Variants in CCNYL1 observed in about 807,000 individuals in gnomAD.
The protein encoded by CCNYL1 is cyclin Y like 1, also known as cyclin-Y-like protein 1.
In CCNYL1, 16 loss-of-function variants were observed where a neutral mutation model predicts 44.2. That is an observed-to-expected ratio of 0.36 (90% CI 0.25 to 0.55). CCNYL1 has a LOEUF of 0.55. CCNYL1 is among the 20% of genes least tolerant of loss of function. The pLI is 0.85. For missense variants in CCNYL1, 348 were observed against 451.8 expected, an observed-to-expected ratio of 0.77 and a Z score of 2.08; for synonymous variants, 159 against 163.2, an observed-to-expected ratio of 0.97 and a Z score of 0.20.
chr2:207,730,939 C>T (rs1559168053), intron 3 of CCNYL1, among the ~76,000 whole-genome samples: 1 of 152,030 alleles, frequency 6.6e-6, no homozygotes, highest in Non-Finnish European at 1.5e-5. Flanking sequence ...ATGTTTAACC[C>T]AAATTTAGAA....
chr2:207,733,960 A>C lies in CCNYL1; in HGVS notation c.344A>C (p.Gln115Pro). Residue 115 changes from glutamine to proline, a missense_variant, in exon 4 of 10, where the codon CAG (glutamine) becomes CCG (proline). Gln to Pro is a moderately conservative substitution (Grantham distance 76). Coordinates refer to ENST00000295414, the MANE Select transcript of CCNYL1 (RefSeq NM_001330218.2). ...SNHLNHVSPG[Q>P]LTKKYSSCST... ...CTTCCCCTTCAGGTATCTCCAGGGC[A>C]GCTTACTAAAAAGTATAGCTCATGC... 6.2e-7 allele frequency: 1 copy of C among 1,611,332 alleles called. No homozygotes were observed. Among genetic ancestry groups the C allele is most frequent in the Non-Finnish European group, 8.5e-7 (1 of 1,177,588 alleles).
chr2:207,725,082 CTT>C, intron 2 of CCNYL1, among the ~76,000 whole-genome samples: 1 of 148,820 alleles, frequency 6.7e-6, no homozygotes, highest in South Asian at 2.1e-4. Context: ...GTTTTGCCAC[CTT>C]TTTATAACAC....
In CCNYL1 at chr2:207,736,636, T is replaced by G. The variant is rs187217403; in HGVS notation, c.432-775T>G. Among the ~76,000 whole-genome samples, 5 of 152,334 alleles carry G rather than the reference T, an allele frequency of 3.3e-5. No homozygotes were observed. The East Asian group carries it at 9.6e-4, about 29-fold the overall frequency. On this transcript the variant is annotated intron_variant, in intron 4 of 9. Coordinates refer to ENST00000295414, the MANE Select transcript of CCNYL1 (RefSeq NM_001330218.2). ...CAAAATTGATCATAAATGATTTTAT[T>G]TGGTATAAAACACTTTTATTTACTT...
chr2:207,753,146 A>C (rs2091906749), intron 9 of CCNYL1, among the ~76,000 whole-genome samples: 3 of 152,216 alleles, frequency 2.0e-5, no homozygotes, highest in Admixed American at 6.5e-5. Context: ...ATAGTCCAGC[A>C]CACACCTGCC....
At chr2:207,715,861 A>G (rs1394734058) in intron 1 of CCNYL1, among the ~76,000 whole-genome samples, 1 of 149,758 alleles carries the variant, frequency 6.7e-6, no homozygotes, top group Non-Finnish European at 1.5e-5. Flanking sequence ...TGTTTTTAGT[A>G]GAGATGGTTT....
At position 207,754,613 on chromosome 2, in the gene CCNYL1, T is replaced by G. The variant is rs1470411908; in HGVS notation, c.*915T>G. The G allele has an allele frequency of 6.6e-6, 1 of 152,220 alleles. No homozygotes were observed. Among genetic ancestry groups the G allele is most frequent in the Non-Finnish European group, 1.5e-5 (1 of 68,046 alleles). The allele number at this position is 152,220 out of a possible 1,614,324, so 9.4% of individuals were successfully genotyped here. ...TTTAAAAAACATGATTTGAAAGTTTTTTGTTTTGTTTTGTTTGTTTTTAAA... is the reference window on the plus strand; with the variant it reads ...TTTAAAAAACATGATTTGAAAGTTTGTTGTTTTGTTTTGTTTGTTTTTAAA... On this transcript the variant is annotated 3_prime_UTR_variant, in exon 10 of 10. Coordinates refer to ENST00000295414, the MANE Select transcript of CCNYL1 (RefSeq NM_001330218.2).
At chr2:207,753,430 G>T (rs1399049387) in intron 9 of CCNYL1, among the ~76,000 whole-genome samples, 158 bp from the exon 10 acceptor site, 1 of 152,210 alleles carries the variant, frequency 6.6e-6, no homozygotes, top group Non-Finnish European at 1.5e-5. Flanking sequence ...TCAGGAAGTA[G>T]TGTCCCCACA....
intron 1 of CCNYL1, 79 bp downstream of exon 1, chr2:207,712,195 C>T: frequency 8.0e-7 from 1 of 1,248,944 alleles, no homozygotes; most frequent in Non-Finnish European, 1.1e-6. Context: ...GGGAGGCATC[C>T]GCCGCCTCGG....
Position 207,742,359 on chromosome 2 carries a change from T to G in CCNYL1, c.639+17T>G, listed in dbSNP as rs2091818190. 1 of 1,603,390 alleles carries G rather than the reference T, an allele frequency of 6.2e-7. No homozygotes were observed. Among genetic ancestry groups the G allele is most frequent in the African/African-American group, 1.3e-5 (1 of 74,284 alleles). ...GTAACTTTGGTAAGATATTTCTCAT[T>G]TATAAAGTGTCTTTAGAAATTAGTC... On this transcript the variant is annotated intron_variant, in intron 7 of 9. Coordinates refer to ENST00000295414, the MANE Select transcript of CCNYL1 (RefSeq NM_001330218.2).
At chr2:207,731,213 C>T (rs1222859118) in intron 3 of CCNYL1, among the ~76,000 whole-genome samples, 1 of 151,732 alleles carries the variant, frequency 6.6e-6, no homozygotes, top group African/African-American at 2.4e-5. Context: ...TAGCATTTAC[C>T]TCTTATTTTA....
At chr2:207,714,071 T>C (rs1208787665) in intron 1 of CCNYL1, among the ~76,000 whole-genome samples, 1 of 152,056 alleles carries the variant, frequency 6.6e-6, no homozygotes, top group Non-Finnish European at 1.5e-5. Context: ...AATGAAGAAA[T>C]AAAGAGTTAG....
At chr2:207,713,402 C>T (rs2091569088) in intron 1 of CCNYL1, among the ~76,000 whole-genome samples, 1 of 152,142 alleles carries the variant, frequency 6.6e-6, no homozygotes, top group African/African-American at 2.4e-5. Context: ...CAATAGAATC[C>T]TGGTCAAAGA....
At chr2:207,733,302 A>T (rs1488579089) in intron 3 of CCNYL1, among the ~76,000 whole-genome samples, 1 of 152,222 alleles carries the variant, frequency 6.6e-6, no homozygotes, top group Non-Finnish European at 1.5e-5. Flanking sequence ...TGGCAGTTTT[A>T]TTTAAATATG....
chr2:207,716,257 A>G (rs1559163706), intron 1 of CCNYL1, among the ~76,000 whole-genome samples: 2 of 151,686 alleles, frequency 1.3e-5, no homozygotes, highest in South Asian at 4.2e-4. Flanking sequence ...GGGTGAAGGT[A>G]GGGAAAGAAT....
At chr2:207,748,996 C>G (rs1205761557) in intron 8 of CCNYL1, among the ~76,000 whole-genome samples, 1 of 152,140 alleles carries the variant, frequency 6.6e-6, no homozygotes, top group Non-Finnish European at 1.5e-5. Flanking sequence ...AACACTTAGC[C>G]CTACCATGAT....
In CCNYL1 at chr2:207,712,177, A is replaced by G; in HGVS notation, c.220+61A>G. On this transcript the variant is annotated intron_variant, in intron 1 of 9. Transcript: ENST00000295414. ...CACCTCTGCCCGCCTCCTCCCCCAG[A>G]GTCCCCCGGGAGGCATCCGCCGCCT... 8 of 1,458,872 alleles carry G rather than the reference A, an allele frequency of 5.5e-6. No individual in the cohort carries two copies. The South Asian group carries it at 8.4e-5, about 15-fold the overall frequency. The allele number at this position is 1,458,872 out of a possible 1,614,324, so 90.4% of individuals were successfully genotyped here.
chr2:207,753,137 T>G (rs1304714552), intron 9 of CCNYL1, among the ~76,000 whole-genome samples: 3 of 152,198 alleles, frequency 2.0e-5, no homozygotes, highest in Non-Finnish European at 2.9e-5. Flanking sequence ...TGTTCCAGTA[T>G]AGTCCAGCAC....
At chr2:207,744,476 C>T (rs1559172111) in intron 7 of CCNYL1, among the ~76,000 whole-genome samples, 1 of 151,948 alleles carries the variant, frequency 6.6e-6, no homozygotes. Context: ...AAGCAATTCT[C>T]CCTGCCTCAG....
chr2:207,747,801 G>T (rs62189198), intron 8 of CCNYL1, among the ~76,000 whole-genome samples: 1,646 of 152,148 alleles, frequency 0.011, 19 homozygotes, highest in Middle Eastern at 0.041. Flanking sequence ...CTTGTGATTC[G>T]CCCGCCTCCG....
Sources: gnomAD v4.1 joint callset for allele counts (sites outside exome capture counted in the v4.1 genomes callset) on GRCh38, gnomAD v4.1.1 for gene constraint, MANE v1.5 for transcripts, NCBI Gene and HGNC (gene_info 2026-07-23, HGNC 2026-07-21) for gene names.